Variants in TRAPPC13 observed in about 807,000 individuals in gnomAD.
TRAPPC13 encodes trafficking protein particle complex subunit 13, also known as REV7-interacting novel NHEJ regulator 1.
In TRAPPC13, 39 loss-of-function variants were observed where a neutral mutation model predicts 54.0. The observed-to-expected ratio is 0.72, with a 90% confidence interval of 0.56 to 0.94. TRAPPC13 has a LOEUF of 0.94. TRAPPC13 is among the 40% of genes least tolerant of loss of function. The pLI is 0.00. For synonymous variants in TRAPPC13, 148 were observed against 167.7 expected, an observed-to-expected ratio of 0.88 and a Z score of 0.91; for missense variants, 386 against 488.1, an observed-to-expected ratio of 0.79 and a Z score of 1.97.
At chr5:65,630,783 A>T in intron 1 of TRAPPC13, 1 of 635,002 alleles carries the variant, frequency 1.6e-6, no homozygotes, top group Non-Finnish European at 2.0e-6. Flanking sequence ...GTTTCCAAAG[A>T]TATGTAATAA....
rs1265967729 is a variant in TRAPPC13 at position 65,629,479 on chromosome 5, C to T, written c.46+4373C>T. 9.8e-6 allele frequency: 14 copies of T among 1,426,458 alleles called. No individual in the cohort carries two copies. In the South Asian group the frequency reaches 1.9e-4, roughly 19 times the overall value. 88.4% of individuals were successfully genotyped at this position (1,426,458 alleles called of 1,614,324 possible). On this transcript the variant is annotated intron_variant, in intron 1 of 12. Coordinates refer to ENST00000399438, the MANE Select transcript of TRAPPC13 (RefSeq NM_024941.4). ...TACTTCTACTTTAGGTCCTGTTTCC[C>T]TCTGATTTGGCAAGAGAGACAATCT...
At chr5:65,652,180 A>T (rs1427792639) in intron 6 of TRAPPC13, among the ~76,000 whole-genome samples, 1 of 151,788 alleles carries the variant, frequency 6.6e-6, no homozygotes, top group Non-Finnish European at 1.5e-5. Context: ...TTTTTTTTGC[A>T]AACAGTTTTT....
Position 65,641,245 on chromosome 5 carries a change from T to C in TRAPPC13, c.300+3465T>C, listed in dbSNP as rs547839776. 7.0e-4 allele frequency among the ~76,000 whole-genome samples: 106 copies of C among 152,264 alleles called. 1 individual carries two copies. Among genetic ancestry groups the C allele is most frequent in the Non-Finnish European group, 1.3e-3 (90 of 68,008 alleles). ...CACCATATCTGGCCAGATAAGCCAA[T>C]TGTGACATCAGAATCACTTAAGAGG... On this transcript the variant is annotated intron_variant, in intron 4 of 12. Coordinates refer to ENST00000399438, the MANE Select transcript of TRAPPC13 (RefSeq NM_024941.4).
rs762929434 is a variant in TRAPPC13 at position 65,651,842 on chromosome 5, G to GTTTTTTTTTTTTTTT, written c.502-635_502-621dup. On this transcript the variant is annotated intron_variant, in intron 6 of 12. Transcript: ENST00000399438. ...TTGAAAGAAAATAAAACGTGATTCAGTTTTTTTTTTTTTTTTTTTTTTTTT... is the reference window on the plus strand; with the variant it reads ...TTGAAAGAAAATAAAACGTGATTCAGTTTTTTTTTTTTTTTTTTTTTTTTTTTTTTTTTTTTTTTT... Among the ~76,000 whole-genome samples, 7 of 41,162 alleles carry GTTTTTTTTTTTTTTT rather than the reference G, an allele frequency of 1.7e-4. 3 individuals carry two copies. Among genetic ancestry groups the GTTTTTTTTTTTTTTT allele is most frequent in the African/African-American group, 5.6e-4 (6 of 10,806 alleles). The allele number at this position is 41,162 out of a possible 152,430, so 27.0% of individuals were successfully genotyped here. A position where few individuals can be genotyped will look rare whatever the true frequency, so the allele number is the denominator to read the frequency against.
intron 5 of TRAPPC13, among the ~76,000 whole-genome samples, chr5:65,648,848 A>G (rs1340561612): frequency 6.6e-6 from 1 of 152,146 alleles, no homozygotes; most frequent in African/African-American, 2.4e-5. Context: ...AATTTTGGCC[A>G]TATTGCTCAT....
chr5:65,630,133 A>G, intron 1 of TRAPPC13: 2 of 1,536,074 alleles, frequency 1.3e-6, no homozygotes, highest in Non-Finnish European at 1.7e-6. Flanking sequence ...AAACTCTGGA[A>G]GACATTTGGA....
Position 65,664,608 on chromosome 5 carries a change from C to G in TRAPPC13, c.1251C>G (p.Ser417Arg). The G allele has an allele frequency of 6.2e-7, 1 of 1,608,928 alleles. No individual in the cohort carries two copies. Among genetic ancestry groups the G allele is most frequent in the Non-Finnish European group, 8.5e-7 (1 of 1,176,774 alleles). ...TATCTTCTGCCATTAAAGTGGAAAG[C>G]TGAAGGAAACTTCCAATGTTAGGCT... ...CVVSSAIKVE[S>R] is the part of the protein sequence containing the mutation. The change falls in exon 13 of 13, where the codon AGC becomes AGG. Residue 417 changes from serine to arginine, a missense_variant. By Grantham distance (110) the Ser-to-Arg change is moderately radical. Transcript: ENST00000399438.
At chr5:65,651,726 T>TA (rs1756451396) in intron 6 of TRAPPC13, among the ~76,000 whole-genome samples, 1 of 151,346 alleles carries the variant, frequency 6.6e-6, no homozygotes, top group South Asian at 2.1e-4. Context: ...TATATGGTTT[T>TA]TTTCATTCCT....
intron 3 of TRAPPC13, among the ~76,000 whole-genome samples, chr5:65,636,629 T>C (rs1408961423): frequency 6.6e-6 from 1 of 152,232 alleles, no homozygotes; most frequent in Non-Finnish European, 1.5e-5. Context: ...TTTTAACTAC[T>C]AATGTAAACA....
chr5:65,651,564 C>G (rs1293223172), intron 6 of TRAPPC13, among the ~76,000 whole-genome samples: 6 of 150,280 alleles, frequency 4.0e-5, no homozygotes, highest in African/African-American at 1.5e-4. Context: ...ATCACTGGAA[C>G]TTTAAGTTGA....
intron 4 of TRAPPC13, among the ~76,000 whole-genome samples, chr5:65,645,827 T>C (rs1009170285): frequency 9.9e-5 from 15 of 152,042 alleles, no homozygotes; most frequent in Non-Finnish European, 1.9e-4. Context: ...AACAAAAAAC[T>C]GTTTTATAAA....
intron 5 of TRAPPC13, among the ~76,000 whole-genome samples, chr5:65,647,906 G>A (rs769887984): frequency 6.6e-6 from 1 of 152,046 alleles, no homozygotes; most frequent in Non-Finnish European, 1.5e-5. Flanking sequence ...TTGGTGACAA[G>A]CTCTATTTTA....
chr5:65,655,752 A>T, intron 8 of TRAPPC13, 99 bp downstream of exon 8: 1 of 398,322 alleles, frequency 2.5e-6, no homozygotes, highest in Non-Finnish European at 4.2e-6. Flanking sequence ...GTGGAAAAAC[A>T]GTTAGTTGTG....
At chr5:65,648,215 G>A (rs1251957097) in intron 5 of TRAPPC13, among the ~76,000 whole-genome samples, 1 of 152,060 alleles carries the variant, frequency 6.6e-6, no homozygotes, top group East Asian at 1.9e-4. Flanking sequence ...CCCTTACAAA[G>A]GAATACCTAT....
chr5:65,659,274 A>G (rs1203745854), intron 9 of TRAPPC13, among the ~76,000 whole-genome samples: 1 of 152,246 alleles, frequency 6.6e-6, no homozygotes, highest in Non-Finnish European at 1.5e-5. Context: ...TGACAAATAT[A>G]TAACATGTAT....
chr5:65,641,075 A>G (rs1471225893), intron 4 of TRAPPC13, among the ~76,000 whole-genome samples: 1 of 152,034 alleles, frequency 6.6e-6, no homozygotes, highest in Non-Finnish European at 1.5e-5. Context: ...CTGGGATTGC[A>G]GGGGTGTGAC....
At chr5:65,628,575 G>A (rs948865678) in intron 1 of TRAPPC13, among the ~76,000 whole-genome samples, 13 of 151,208 alleles carry the variant, frequency 8.6e-5, no homozygotes, top group Admixed American at 3.3e-4. Context: ...GGGTTCAAGC[G>A]ATTCTCCTCC....
rs551481031 is a variant in TRAPPC13 at position 65,645,648 on chromosome 5, C to G, written c.301-1407C>G. On this transcript the variant is annotated intron_variant, in intron 4 of 12. Transcript: ENST00000399438. ...TGAAACCCCGTCTCTACTAAAAATA[C>G]AAAAAATTAGCCAGGCGTGGTGGTG... is the stretch of plus-strand genomic sequence containing the variant. Among the ~76,000 whole-genome samples the G allele has an allele frequency of 1.8e-3, 280 of 151,876 alleles. 2 individuals carry two copies. The highest frequency in any genetic ancestry group is 6.5e-3 in the African/African-American group (269 of 41,436).
intron 9 of TRAPPC13, among the ~76,000 whole-genome samples, chr5:65,659,393 A>C (rs1252766708): frequency 1.3e-5 from 2 of 152,198 alleles, no homozygotes; most frequent in African/African-American, 4.8e-5. Context: ...TTTTAATTTC[A>C]TGTTTTACTA....
Sources: allele counts gnomAD v4.1 joint callset (sites outside exome capture counted in the v4.1 genomes callset), GRCh38; gene constraint gnomAD v4.1.1; transcripts MANE v1.5; gene names NCBI Gene and HGNC (gene_info 2026-07-23, HGNC 2026-07-21).